Variants in YY1 observed in about 807,000 individuals in gnomAD.
YY1 encodes the protein transcriptional repressor protein YY1.
A neutral mutation model predicts 35.6 loss-of-function variants in YY1; 2 were observed. The ratio of observed to expected loss-of-function variants is 0.06; its 90% confidence interval spans 0.02 to 0.18. The LOEUF (loss-of-function observed/expected upper bound fraction) is 0.18. Among genes scored for constraint, YY1 ranks in the 10% least tolerant of loss-of-function variants. YY1 has a pLI of 1.00. For synonymous variants in YY1, 268 were observed against 238.9 expected (o/e 1.12, Z -1.12); for missense variants, 322 against 573.4 (o/e 0.56, Z 4.48).
rs1267236878 is a variant in YY1, at chr14:100,279,684, G to A, written c.*2084G>A. 1.3e-5 allele frequency: 2 copies of A among 152,386 alleles called. No individual in the cohort carries two copies. Among genetic ancestry groups the A allele is most frequent in the Non-Finnish European group, 2.9e-5 (2 of 68,158 alleles). 9.4% of individuals were successfully genotyped at this position (152,386 alleles called of 1,614,324 possible). A position where few individuals can be genotyped will look rare whatever the true frequency, so the allele number is the denominator to read the frequency against. ...TGGGCAGCGTCTTCTATGGATGCCT[G>A]CCTTGTGAGCACCCACACCTTCCCT... On this transcript the variant is annotated 3_prime_UTR_variant, in exon 5 of 5. Transcript: ENST00000262238.
At chr14:100,258,093 C>G (rs548779923) in intron 1 of YY1, among the ~76,000 whole-genome samples, 55 of 151,986 alleles carry the variant, frequency 3.6e-4, no homozygotes, top group South Asian at 2.7e-3. Flanking sequence ...GATTGCTCCA[C>G]TGCACTCCAG....
At chr14:100,248,823 G>T (rs1211455568) in intron 1 of YY1, among the ~76,000 whole-genome samples, 3 of 151,456 alleles carry the variant, frequency 2.0e-5, no homozygotes, top group African/African-American at 7.3e-5. Flanking sequence ...GAGTAGCTGG[G>T]ACTACAGGCG....
chr14:100,241,907 G>T (rs563903679), intron 1 of YY1, among the ~76,000 whole-genome samples: 5 of 145,806 alleles, frequency 3.4e-5, no homozygotes, highest in South Asian at 2.3e-4. Flanking sequence ...CCAGGAGGCA[G>T]AGGTTAACAG....
At chr14:100,267,971 C>T (rs1891179191) in intron 2 of YY1, among the ~76,000 whole-genome samples, 2 of 152,200 alleles carry the variant, frequency 1.3e-5, no homozygotes, top group South Asian at 4.1e-4. Flanking sequence ...GTGGGATTTT[C>T]TGGAGGCTCA....
rs981331836 is a variant in YY1 at position 100,278,131 on chromosome 14, T to C, written c.*531T>C. ...CATGCATACTTCAAAAGTATTTTCC[T>C]GTAAAAAAAAAAAAGTTATATAGGT... On this transcript the variant is annotated 3_prime_UTR_variant, in exon 5 of 5. Coordinates refer to ENST00000262238, the MANE Select transcript of YY1 (RefSeq NM_003403.5). 2 of 148,670 alleles carry C rather than the reference T, an allele frequency of 1.3e-5. No homozygotes were observed. The highest frequency in any genetic ancestry group is 1.5e-5 in the Non-Finnish European group (1 of 67,860). The allele number at this position is 148,670 out of a possible 1,614,324, so 9.2% of individuals were successfully genotyped here.
intron 1 of YY1, among the ~76,000 whole-genome samples, chr14:100,253,996 CT>C (rs200186496): frequency 1.3e-5 from 2 of 150,860 alleles, no homozygotes; most frequent in East Asian, 1.9e-4. Context: ...CACCTATAAT[CT>C]TTTTTTTTAT....
At chr14:100,254,771 A>ATT (rs1481759808) in intron 1 of YY1, among the ~76,000 whole-genome samples, 5 of 108,786 alleles carry the variant, frequency 4.6e-5, no homozygotes, top group African/African-American at 1.8e-4. Flanking sequence ...TTATTTATTT[A>ATT]TTTATTTTTT....
rs540589034 is a variant in YY1 at position 100,244,064 on chromosome 14, C to T, written c.679+4141C>T. ...CGGAGCTTGCCGTGAGCCGAGATAG[C>T]GCCACTGCACTCCAGCCTGGGCGAC... On this transcript the variant is annotated intron_variant, in intron 1 of 4. Transcript: ENST00000262238. Among the ~76,000 whole-genome samples, 443 of 150,478 alleles carry T rather than the reference C, an allele frequency of 2.9e-3. 4 individuals are homozygous for T. The highest frequency in any genetic ancestry group is 9.9e-3 in the African/African-American group (405 of 40,936).
intron 2 of YY1, among the ~76,000 whole-genome samples, chr14:100,272,484 A>T (rs1206159719): frequency 6.6e-6 from 1 of 152,276 alleles, no homozygotes; most frequent in East Asian, 1.9e-4. Flanking sequence ...AGATCAGGTC[A>T]TCCTTTTCCC....
At chr14:100,273,604 A>G (rs117095210) in intron 2 of YY1, among the ~76,000 whole-genome samples, 7,938 of 151,334 alleles carry the variant, frequency 0.052, 334 homozygotes, top group Admixed American at 0.13. Flanking sequence ...GGCTCAAGCA[A>G]TCCTCCCAGT....
Position 100,280,998 on chromosome 14 carries a change from T to G in YY1, c.*3398T>G, listed in dbSNP as rs1159136044. 1 of 135,012 alleles carries G rather than the reference T, an allele frequency of 7.4e-6. No individual in the cohort carries two copies. The highest frequency in any genetic ancestry group is 2.8e-5 in the African/African-American group (1 of 36,086). 8.4% of individuals were successfully genotyped at this position (135,012 alleles called of 1,614,324 possible). A position where few individuals can be genotyped will look rare whatever the true frequency, so the allele number is the denominator to read the frequency against. Reference sequence around the variant, plus strand: ...CGGCGTGAACCCGGGAGGCGGAGCTTGCAGTGAGCCGAGATCGCACCACTG... The same window carrying G: ...CGGCGTGAACCCGGGAGGCGGAGCTGGCAGTGAGCCGAGATCGCACCACTG... On this transcript the variant is annotated 3_prime_UTR_variant, in exon 5 of 5. Coordinates refer to ENST00000262238, the MANE Select transcript of YY1 (RefSeq NM_003403.5).
chr14:100,250,468 C>A (rs142999924), intron 1 of YY1, among the ~76,000 whole-genome samples: 2 of 151,876 alleles, frequency 1.3e-5, no homozygotes, highest in Admixed American at 6.6e-5. Flanking sequence ...AGGTAAATAT[C>A]TCAGTTGGTG....
chr14:100,278,515 T>C lies in YY1; in HGVS notation c.*915T>C, dbSNP rs1891359738. ...CTGTAAGCACAGTCTTATTTTCTTT[T>C]GTTGTCCAGAATACTTATAATTCTT... is the stretch of plus-strand genomic sequence containing the variant. On this transcript the variant is annotated 3_prime_UTR_variant, in exon 5 of 5. Coordinates refer to ENST00000262238, the MANE Select transcript of YY1 (RefSeq NM_003403.5). 1 of 152,522 alleles carries C rather than the reference T, an allele frequency of 6.6e-6. No homozygotes were observed. Among genetic ancestry groups the C allele is most frequent in the Non-Finnish European group, 1.5e-5 (1 of 68,048 alleles). The allele number at this position is 152,522 out of a possible 1,614,324, so 9.4% of individuals were successfully genotyped here.
At chr14:100,249,538 A>T (rs1890889892) in intron 1 of YY1, among the ~76,000 whole-genome samples, 1 of 152,154 alleles carries the variant, frequency 6.6e-6, no homozygotes, top group South Asian at 2.1e-4. Flanking sequence ...TCAGGAGAGT[A>T]TTGAACTTTG....
chr14:100,256,606 T>C (rs1595321557), intron 1 of YY1, among the ~76,000 whole-genome samples: 1 of 152,350 alleles, frequency 6.6e-6, no homozygotes, highest in Admixed American at 6.5e-5. Flanking sequence ...TGGCAAATAC[T>C]GTATGATTCA....
At chr14:100,264,854 G>A (rs1218052650) in intron 2 of YY1, among the ~76,000 whole-genome samples, 1 of 152,198 alleles carries the variant, frequency 6.6e-6, no homozygotes, top group Non-Finnish European at 1.5e-5. Flanking sequence ...GCTCAAGCCT[G>A]TAACCTCAAC....
At chr14:100,243,536 T>A (rs1890781877) in intron 1 of YY1, among the ~76,000 whole-genome samples, 1 of 152,080 alleles carries the variant, frequency 6.6e-6, no homozygotes, top group African/African-American at 2.4e-5. Context: ...CTCACACCTG[T>A]AGTCCCAGAA....
chr14:100,272,546 C>G (rs925273117), intron 2 of YY1, among the ~76,000 whole-genome samples: 2 of 151,622 alleles, frequency 1.3e-5, no homozygotes, highest in African/African-American at 2.4e-5. Flanking sequence ...CTTAAAAGAT[C>G]ACAGAATTAA....
intron 1 of YY1, among the ~76,000 whole-genome samples, chr14:100,256,241 C>T (rs1218570891): frequency 2.0e-5 from 3 of 152,066 alleles, no homozygotes; most frequent in Admixed American, 1.3e-4. Flanking sequence ...TATTTAGTTG[C>T]CTTTTTGAGG....
Sources: allele counts gnomAD v4.1 joint callset (sites outside exome capture counted in the v4.1 genomes callset), GRCh38; gene constraint gnomAD v4.1.1; transcripts MANE v1.5; gene names NCBI Gene and HGNC (gene_info 2026-07-23, HGNC 2026-07-21).